The following BZW1 variants were observed in gnomAD, a reference collection of about 807,000 sequenced individuals.
BZW1 encodes eIF5-mimic protein 2.
BZW1 carries 3 observed loss-of-function variants against 54.1 expected under a neutral mutation model. The ratio of observed to expected loss-of-function variants is 0.06; its 90% confidence interval spans 0.03 to 0.14. The LOEUF is 0.14. Ranked by LOEUF, BZW1 falls within the 10% of genes least tolerant of loss-of-function variation. BZW1 has a pLI of 1.00. For missense variants in BZW1, 206 were observed against 491.7 expected (o/e 0.42, Z 5.50); for synonymous variants, 152 against 162.7 (o/e 0.93, Z 0.50).
In BZW1 at chr2:200,815,657, C is replaced by G; in HGVS notation, c.242-10C>G. On this transcript the variant is annotated splice_polypyrimidine_tract_variant and intron_variant, in intron 3 of 11. Coordinates refer to ENST00000409600, the MANE Select transcript of BZW1 (RefSeq NM_001207067.2). Reference sequence around the variant, plus strand: ...TGGTTTTGTTGTATTTTGGTTTTATCCAACTTTAGCCCCAGGTGGTACACT... The same window carrying G: ...TGGTTTTGTTGTATTTTGGTTTTATGCAACTTTAGCCCCAGGTGGTACACT... 1 of 1,588,034 alleles carries G rather than the reference C, an allele frequency of 6.3e-7. No homozygotes were observed. The highest frequency in any genetic ancestry group is 8.6e-7 in the Non-Finnish European group (1 of 1,166,456).
intron 9 of BZW1, 116 bp from the exon 10 acceptor site, chr2:200,819,866 A>C: frequency 2.1e-6 from 2 of 974,556 alleles, no homozygotes; most frequent in Non-Finnish European, 2.8e-6. Context: ...AATAAGTTAT[A>C]GTTTGCAGTG....
chr2:200,825,444 T>C lies in BZW1; in HGVS notation c.*3266T>C, dbSNP rs150916924. 3.8e-4 allele frequency: 58 copies of C among 152,244 alleles called. 1 individual carries two copies. Among genetic ancestry groups the C allele is most frequent in the African/African-American group, 1.1e-3 (46 of 41,542 alleles). 9.4% of individuals were successfully genotyped at this position (152,244 alleles called of 1,614,324 possible). A position where few individuals can be genotyped will look rare whatever the true frequency, so the allele number is the denominator to read the frequency against. On this transcript the variant is annotated 3_prime_UTR_variant, in exon 12 of 12. Coordinates refer to ENST00000409600, the MANE Select transcript of BZW1 (RefSeq NM_001207067.2). Reference sequence around the variant, plus strand: ...TTTTTTAAAAGGGAAGAAGACCTAGTGATAGACCTTTGCATTGGCAGGCAT... The same window carrying C: ...TTTTTTAAAAGGGAAGAAGACCTAGCGATAGACCTTTGCATTGGCAGGCAT...
intron 1 of BZW1, chr2:200,812,987 C>G (rs1393858817): frequency 1.4e-6 from 1 of 692,118 alleles, no homozygotes; most frequent in East Asian, 2.8e-5. Flanking sequence ...GTTCACAGCA[C>G]TAATTTGAAG....
chr2:200,821,283 A>G lies in BZW1; in HGVS notation c.1206A>G (p.Glu402=). 1 of 1,613,532 alleles carries G rather than the reference A, an allele frequency of 6.2e-7. No homozygotes were observed. The highest frequency in any genetic ancestry group is 2.2e-5 in the East Asian group (1 of 44,850). Residue 402 remains glutamate (E), a synonymous_variant, in exon 11 of 12, where the codon GAA becomes GAG. Transcript: ENST00000409600. The part of the protein sequence containing the change: ...VFLEQMKKFV[E]WLKNAEEESE... ...TTGAGCAAATGAAAAAGTTTGTAGA[A>G]TGGCTCAAAAATGCTGAAGAAGGTA...
chr2:200,819,595 CTG>C (rs1427772763), intron 9 of BZW1, among the ~76,000 whole-genome samples: 6 of 150,590 alleles, frequency 4.0e-5, no homozygotes. Flanking sequence ...CAGTCTCACT[CTG>C]TCACCCAGGC....
chr2:200,816,108 TAATC>T (rs947603364), intron 4 of BZW1, among the ~76,000 whole-genome samples: 5 of 152,246 alleles, frequency 3.3e-5, no homozygotes, highest in Non-Finnish European at 7.3e-5. Context: ...ATTAGCTTGT[TAATC>T]AAGATCTCAT....
intron 1 of BZW1, chr2:200,812,385 T>C: frequency 7.8e-7 from 1 of 1,286,006 alleles, no homozygotes; most frequent in Non-Finnish European, 9.8e-7. Flanking sequence ...CCTCCGCCGC[T>C]GCTTTCGCTG....
chr2:200,817,860 G>T, intron 6 of BZW1, 114 bp from the exon 7 acceptor site: 1 of 711,340 alleles, frequency 1.4e-6, no homozygotes, highest in Non-Finnish European at 2.3e-6. Flanking sequence ...GGTTAAGTTT[G>T]TGAGGAAAGT....
intron 4 of BZW1, among the ~76,000 whole-genome samples, chr2:200,816,033 C>T (rs1273363203): frequency 2.0e-5 from 3 of 152,072 alleles, no homozygotes; most frequent in East Asian, 1.9e-4. Context: ...AAGTCAGTTT[C>T]GTATTGTGAT....
At chr2:200,817,379 C>A in intron 6 of BZW1, 138 bp downstream of exon 6, 1 of 1,131,280 alleles carries the variant, frequency 8.8e-7, no homozygotes, top group Non-Finnish European at 1.2e-6. Context: ...CAGTCTAATT[C>A]ACTAGACATT....
rs2038629894 is a variant in BZW1, at chr2:200,824,222, A to G, written c.*2044A>G. 6.6e-6 allele frequency: 1 copy of G among 152,216 alleles called. No individual in the cohort carries two copies. Among genetic ancestry groups the G allele is most frequent in the Non-Finnish European group, 1.5e-5 (1 of 68,018 alleles). The allele number at this position is 152,216 out of a possible 1,614,324, so 9.4% of individuals were successfully genotyped here. A position where few individuals can be genotyped will look rare whatever the true frequency, so the allele number is the denominator to read the frequency against. The stretch of plus-strand genomic sequence containing the variant: ...ATAGTGTAAAGAAAGGGAATGCTTT[A>G]TAAAAAGATTGCAGATTCCATTCCA... On this transcript the variant is annotated 3_prime_UTR_variant, in exon 12 of 12. Transcript: ENST00000409600.
At chr2:200,812,875 T>G in intron 1 of BZW1, 3 of 654,056 alleles carry the variant, frequency 4.6e-6, no homozygotes, top group Non-Finnish European at 8.7e-6. Context: ...TGCTTAGTGG[T>G]CGTGGAAGAT....
At chr2:200,815,559 A>G (rs770109893) in intron 3 of BZW1, 42 bp downstream of exon 3, 4 of 1,609,568 alleles carry the variant, frequency 2.5e-6, no homozygotes, top group East Asian at 4.5e-5. Flanking sequence ...TTAGAAAGGT[A>G]TAATATATGG....
Position 200,822,274 on chromosome 2 carries a change from A to G in BZW1, c.*96A>G. ...TTCTTACATCTTCCTACCTCCCTGT[A>G]TCAAGCATGATATAAGGGCTTTCAT... On this transcript the variant is annotated 3_prime_UTR_variant, in exon 12 of 12. Coordinates refer to ENST00000409600, the MANE Select transcript of BZW1 (RefSeq NM_001207067.2). 1 of 1,079,640 alleles carries G rather than the reference A, an allele frequency of 9.3e-7. No homozygotes were observed. Among genetic ancestry groups the G allele is most frequent in the East Asian group, 2.6e-5 (1 of 38,690 alleles). The allele number at this position is 1,079,640 out of a possible 1,614,324, so 66.9% of individuals were successfully genotyped here.
In BZW1 at chr2:200,823,260, A is replaced by C. The variant is rs186634977; in HGVS notation, c.*1082A>C. 6.0e-6 allele frequency: 1 copy of C among 165,700 alleles called. No homozygotes were observed. Among genetic ancestry groups the C allele is most frequent in the Admixed American group, 6.5e-5 (1 of 15,290 alleles). The allele number at this position is 165,700 out of a possible 1,614,324, so 10.3% of individuals were successfully genotyped here. A position where few individuals can be genotyped will look rare whatever the true frequency, so the allele number is the denominator to read the frequency against. On this transcript the variant is annotated 3_prime_UTR_variant, in exon 12 of 12. Transcript: ENST00000409600. ...ACTGGACTGGCTTCGTTCTCTTAAT[A>C]TACTCAGTAATGACTCAAGCCTCTG...
At position 200,826,372 on chromosome 2, in the gene BZW1, T is replaced by G. The variant is rs374160247; in HGVS notation, c.*4194T>G. ...TCTTAATGAGTTGATGGGATGAAGA[T>G]ATAGATAGATAGATAGATAGATAGA... On this transcript the variant is annotated 3_prime_UTR_variant, in exon 12 of 12. Transcript: ENST00000409600. 8.2e-5 allele frequency: 7 copies of G among 85,516 alleles called. No homozygotes were observed. The highest frequency in any genetic ancestry group is 3.0e-4 in the East Asian group (1 of 3,342). The allele number at this position is 85,516 out of a possible 1,614,324, so 5.3% of individuals were successfully genotyped here.
At chr2:200,819,467 A>G (rs902055895) in intron 9 of BZW1, among the ~76,000 whole-genome samples, 1 of 151,768 alleles carries the variant, frequency 6.6e-6, no homozygotes, top group African/African-American at 2.4e-5. Context: ...GAAAATAGGA[A>G]TTTTTCCCCC....
At chr2:200,813,125 T>C in intron 1 of BZW1, 83 bp from the exon 2 acceptor site, 2 of 1,168,866 alleles carry the variant, frequency 1.7e-6, no homozygotes, top group South Asian at 2.6e-5. Context: ...TTGATTCATA[T>C]GTGACTAGAC....
chr2:200,825,631 A>AT lies in BZW1; in HGVS notation c.*3455dup, dbSNP rs1373111501. ...CTGCTGTCTTTCAAGGTCTTAACAG[A>AT]TTCTTTCTTGATTATAAATGTATTA... On this transcript the variant is annotated 3_prime_UTR_variant, in exon 12 of 12. Coordinates refer to ENST00000409600, the MANE Select transcript of BZW1 (RefSeq NM_001207067.2). 6.6e-6 allele frequency: 1 copy of AT among 152,194 alleles called. No homozygotes were observed. The allele number at this position is 152,194 out of a possible 1,614,324, so 9.4% of individuals were successfully genotyped here.
Sources: allele counts gnomAD v4.1 joint callset (sites outside exome capture counted in the v4.1 genomes callset), GRCh38; gene constraint gnomAD v4.1.1; transcripts MANE v1.5; gene names NCBI Gene and HGNC (gene_info 2026-07-23, HGNC 2026-07-21).